Variants in KRT76 observed in about 807,000 individuals in gnomAD.
KRT76 encodes the protein keratin 76.
Under a neutral mutation model 44.9 loss-of-function variants are expected in KRT76, and 47 were observed. The ratio of observed to expected loss-of-function variants is 1.05; its 90% confidence interval spans 0.83 to 1.33. The LOEUF (loss-of-function observed/expected upper bound fraction) is 1.33, where lower values mean the gene tolerates loss of function less well. KRT76 is among the 40% of genes most tolerant of loss of function. The pLI, the probability that KRT76 is intolerant of heterozygous loss-of-function variation, is 0.00. For missense variants in KRT76, 860 were observed against 775.8 expected (o/e 1.11, Z -1.29); for synonymous variants, 331 against 294.1 (o/e 1.13, Z -1.28).
In KRT76 at chr12:52,777,217, G is replaced by C. The variant is rs11170272; in HGVS notation, c.75C>G (p.Ser25=). ...CCACACAGCTCATCCTGCTGCTGCC[G>C]GAGACCACAGCAGAGCGGCCAGAGA... ...QGFSGRSAVV[S]GSSRMSCVAR... The change falls in exon 1 of 9, where the codon TCC becomes TCG. Residue 25 remains serine (S), a synonymous_variant. Coordinates refer to ENST00000332411, the MANE Select transcript of KRT76 (RefSeq NM_015848.4). 1 of 1,614,018 alleles carries C rather than the reference G, an allele frequency of 6.2e-7. No homozygotes were observed.
Position 52,772,206 on chromosome 12 carries a change from A to T in KRT76, c.1025T>A (p.Met342Lys), listed in dbSNP as rs755523799. 6.8e-6 allele frequency: 11 copies of T among 1,613,086 alleles called. No homozygotes were observed. The Admixed American group carries it at 1.8e-4, about 27-fold the overall frequency. ...CAGGTCCAGGCAGCGGTTGTTGTCC[A>T]TGGACAGAACCACAGACGTGTCACT... ...HASDTSVVLSMDNNRCLDLGS... is the reference protein window; with the variant it reads ...HASDTSVVLSKDNNRCLDLGS... Residue 342 changes from methionine to lysine, a missense_variant, in exon 5 of 9, where the codon ATG (methionine) becomes AAG (lysine). Met to Lys is a moderately conservative substitution (Grantham distance 95). Transcript: ENST00000332411.
Position 52,768,591 on chromosome 12 carries a change from C to G in KRT76, c.*122G>C. ...AGAAACCAGGAGTTCAGCTTCTTCT[C>G]CAGGGAACTTGAGGAAAAATGTGGT... On this transcript the variant is annotated 3_prime_UTR_variant, in exon 9 of 9. Transcript: ENST00000332411. 8.6e-7 allele frequency: 1 copy of G among 1,156,726 alleles called. No homozygotes were observed. Among genetic ancestry groups the G allele is most frequent in the African/African-American group, 1.5e-5 (1 of 65,060 alleles). 71.7% of individuals were successfully genotyped at this position (1,156,726 alleles called of 1,614,324 possible). A position where few individuals can be genotyped will look rare whatever the true frequency, so the allele number is the denominator to read the frequency against.
At chr12:52,772,402 C>T in intron 4 of KRT76, 144 bp from the exon 5 acceptor site, 1 of 745,314 alleles carries the variant, frequency 1.3e-6, no homozygotes. Context: ...TGGCTACAGC[C>T]TAAAGGATGT....
rs149818008 is a variant in KRT76 at position 52,777,176 on chromosome 12, G to C, written c.116C>G (p.Ala39Gly). The change falls in exon 1 of 9, where the codon GCT (alanine) becomes GGT (glycine). Residue 39 changes from alanine (A) to glycine (G), a missense_variant. Coordinates refer to ENST00000332411, the MANE Select transcript of KRT76 (RefSeq NM_015848.4). ...CCTGAAGCCACAGGCCCCTCCACCA[G>C]CTCCCCCAGAGCGGGCCACACAGCT... ...RMSCVARSGG[A>G]GGGACGFRSG... The C allele has an allele frequency of 4.0e-3, 6,446 of 1,614,204 alleles. 28 individuals are homozygous for C. The highest frequency in any genetic ancestry group is 7.1e-3 in the Middle Eastern group (43 of 6,060).
intron 4 of KRT76, 41 bp from the exon 5 acceptor site, chr12:52,772,299 C>A (rs745678942): frequency 1.2e-5 from 18 of 1,543,494 alleles, no homozygotes; most frequent in Non-Finnish European, 1.6e-5. Context: ...ATCGCCTGGA[C>A]CAGGGGATGC....
intron 7 of KRT76, among the ~76,000 whole-genome samples, chr12:52,770,340 A>T (rs1013388069): frequency 6.6e-6 from 1 of 152,176 alleles, no homozygotes; most frequent in East Asian, 1.9e-4. Flanking sequence ...TGAGCACATG[A>T]TGCATTGGGC....
chr12:52,772,929 C>A (rs776677596), intron 3 of KRT76, 51 bp from the exon 4 acceptor site: 12 of 1,328,122 alleles, frequency 9.0e-6, no homozygotes, highest in Non-Finnish European at 1.2e-5. Flanking sequence ...CCCCTCCCAC[C>A]CAGTGGCTCT....
At chr12:52,773,756 A>T (rs1022197084) in intron 2 of KRT76, 114 bp from the exon 3 acceptor site, 1 of 716,758 alleles carries the variant, frequency 1.4e-6, no homozygotes, top group Non-Finnish European at 2.4e-6. Flanking sequence ...CTTCATGGGC[A>T]CGTGCAGTTA....
rs1939192605 is a variant in KRT76 at position 52,772,106 on chromosome 12, C to T, written c.1125G>A (p.Leu375=). Residue 375 remains leucine, a synonymous_variant, in exon 5 of 9, where the codon CTG becomes CTA. Transcript: ENST00000332411. The part of the protein sequence containing the change: ...AQRSKSEAEA[L]YQTKLGELQT... ...GGAGGGTTCCCACCTTGGTCTGGTA[C>T]AGGGCCTCAGCTTCAGACTTGCTCC... The T allele has an allele frequency of 2.5e-6, 4 of 1,610,650 alleles. No homozygotes were observed. The highest frequency in any genetic ancestry group is 3.4e-6 in the Non-Finnish European group (4 of 1,178,054).
At position 52,768,354 on chromosome 12, in the gene KRT76, A is replaced by T. The variant is rs1205714221; in HGVS notation, c.*359T>A. 4.9e-6 allele frequency: 1 copy of T among 206,098 alleles called. No individual in the cohort carries two copies. The highest frequency in any genetic ancestry group is 9.8e-6 in the Non-Finnish European group (1 of 101,552). 12.8% of individuals were successfully genotyped at this position (206,098 alleles called of 1,614,324 possible). A position where few individuals can be genotyped will look rare whatever the true frequency, so the allele number is the denominator to read the frequency against. On this transcript the variant is annotated 3_prime_UTR_variant, in exon 9 of 9. Transcript: ENST00000332411. ...ACCCATGGCTCTGCCCTCCTCAGAC[A>T]GTGCTGAGATGACTGGCTTCAAATC...
chr12:52,768,634 T>C lies in KRT76; in HGVS notation c.*79A>G. 1 of 1,487,460 alleles carries C rather than the reference T, an allele frequency of 6.7e-7. No individual in the cohort carries two copies. Among genetic ancestry groups the C allele is most frequent in the Non-Finnish European group, 9.1e-7 (1 of 1,100,420 alleles). The allele number at this position is 1,487,460 out of a possible 1,614,324, so 92.1% of individuals were successfully genotyped here. A position where few individuals can be genotyped will look rare whatever the true frequency, so the allele number is the denominator to read the frequency against. ...AATGTGGTTGACCCTTATGCATCTATTGATGCCAAGCAGAGAGTGGGAAAC... is the reference window on the plus strand; with the variant it reads ...AATGTGGTTGACCCTTATGCATCTACTGATGCCAAGCAGAGAGTGGGAAAC... On this transcript the variant is annotated 3_prime_UTR_variant, in exon 9 of 9. Transcript: ENST00000332411.
chr12:52,770,666 C>G (rs1199538589), intron 7 of KRT76, among the ~76,000 whole-genome samples: 1 of 152,108 alleles, frequency 6.6e-6, no homozygotes, highest in Non-Finnish European at 1.5e-5. Flanking sequence ...TATTGGACAG[C>G]ACAAGAATAG....
rs2280482 is a variant in KRT76, at chr12:52,768,398, A to T, written c.*315T>A. The T allele has an allele frequency of 0.39, 113,030 of 287,496 alleles. 24,267 individuals carry two copies. The highest frequency in any genetic ancestry group is 0.46 in the Non-Finnish European group (70,525 of 152,326). 17.8% of individuals were successfully genotyped at this position (287,496 alleles called of 1,614,324 possible). ...TCAAATCTCCAACTCCCAGTAAGAA[A>T]GGGAGATGGGCCAGAGTGGGAACAG... is the stretch of plus-strand genomic sequence containing the variant. On this transcript the variant is annotated 3_prime_UTR_variant, in exon 9 of 9. Coordinates refer to ENST00000332411, the MANE Select transcript of KRT76 (RefSeq NM_015848.4).
intron 2 of KRT76, 50 bp downstream of exon 2, chr12:52,775,338 C>A (rs1279107361): frequency 6.5e-7 from 1 of 1,541,866 alleles, no homozygotes; most frequent in African/African-American, 1.4e-5. Flanking sequence ...TAGGACCACA[C>A]CTCCCTGCTA....
chr12:52,771,767 C>G (rs1011492012), intron 6 of KRT76, 104 bp downstream of exon 6: 7 of 1,388,030 alleles, frequency 5.0e-6, no homozygotes, highest in Admixed American at 2.2e-5. Context: ...ACATGTGACA[C>G]CATGAAAGGA....
intron 7 of KRT76, among the ~76,000 whole-genome samples, chr12:52,770,472 G>A (rs549749753): frequency 1.6e-4 from 25 of 152,310 alleles, no homozygotes; most frequent in African/African-American, 4.1e-4. Context: ...TGTATCAACC[G>A]TCTCCCCATA....
In KRT76 at chr12:52,776,713, C is replaced by A. The variant is rs1019501318; in HGVS notation, c.579G>T (p.Lys193Asn). The part of the protein sequence containing the change: ...EREQIKTLNN[K>N]FASFIDKVRF... ...TCACCTTGTCGATGAAGGAGGCAAA[C>A]TTGTTGTTGAGGGTCTTGATCTGTT... is the stretch of plus-strand genomic sequence containing the variant. The change falls in exon 1 of 9, where the codon AAG (lysine) becomes AAT (asparagine). Residue 193 changes from lysine (K) to asparagine (N), a missense_variant. Physicochemically the swap from Lys to Asn is moderately conservative, Grantham distance 94. Transcript: ENST00000332411. 1 of 1,614,050 alleles carries A rather than the reference C, an allele frequency of 6.2e-7. No homozygotes were observed. The highest frequency in any genetic ancestry group is 1.7e-5 in the Admixed American group (1 of 60,002).
At chr12:52,772,066 G>C in intron 5 of KRT76, 28 bp downstream of exon 5, 1 of 1,606,918 alleles carries the variant, frequency 6.2e-7, no homozygotes, top group South Asian at 1.1e-5. Flanking sequence ...AGGTCATCAG[G>C]ATCCAAGGAC....
rs1460577649 is a variant in KRT76, at chr12:52,776,572, CAG to C, written c.600+118_600+119del. On this transcript the variant is annotated intron_variant, in intron 1 of 8. Transcript: ENST00000332411. ...GATCACTGTCCTGTAGGGACCAAGA[CAG>C]CACCAGGACAAGAGCCAAGCGCCCC... is the stretch of plus-strand genomic sequence containing the variant. The C allele has an allele frequency of 6.6e-5, 101 of 1,525,268 alleles. No homozygotes were observed. The Admixed American group carries it at 1.8e-3, about 27-fold the overall frequency. The allele number at this position is 1,525,268 out of a possible 1,614,324, so 94.5% of individuals were successfully genotyped here. A position where few individuals can be genotyped will look rare whatever the true frequency, so the allele number is the denominator to read the frequency against.
Sources: allele counts gnomAD v4.1 joint callset (sites outside exome capture counted in the v4.1 genomes callset), GRCh38; gene constraint gnomAD v4.1.1; transcripts MANE v1.5; gene names NCBI Gene and HGNC (gene_info 2026-07-23, HGNC 2026-07-21).